NRK: variants seen among roughly 807,000 people sequenced by gnomAD.
NRK encodes the protein nik-related protein kinase.
NRK carries 67 observed loss-of-function variants against 125.2 expected under a neutral mutation model. The ratio of observed to expected loss-of-function variants is 0.54; its 90% CI spans 0.44 to 0.66. The LOEUF (loss-of-function observed/expected upper bound fraction) is 0.66, where lower values mean the gene tolerates loss of function less well. Among genes scored for constraint, NRK ranks in the 30% least tolerant of loss-of-function variants. NRK has a pLI of 0.00. For missense variants in NRK, 1,224 were observed against 1,192.9 expected (o/e 1.03, Z -0.38); for synonymous variants, 458 against 429.0 (o/e 1.07, Z -0.84).
chrX:105,931,616 A>T (rs1174246885), intron 19 of NRK, among the ~76,000 whole-genome samples: 7 of 110,288 alleles, frequency 6.3e-5, no homozygotes, highest in African/African-American at 2.3e-4. Context: ...AGAGTACCTC[A>T]CTTCCCTCTC....
chrX:105,876,102 C>T (rs1297535413), intron 2 of NRK, among the ~76,000 whole-genome samples: 1 of 110,227 alleles, frequency 9.1e-6, no homozygotes. Flanking sequence ...ATAGTGGTTA[C>T]CAGAGGTTGG....
chrX:105,835,309 T>C (rs902443491), intron 2 of NRK, among the ~76,000 whole-genome samples: 1 of 110,794 alleles, frequency 9.0e-6, no homozygotes, highest in Admixed American at 9.7e-5. Context: ...TTCTGGAGAG[T>C]TTTTCTTAAT....
chrX:105,823,013 G>A, intron 1 of NRK, 111 bp downstream of exon 1: 2 of 723,973 alleles, frequency 2.8e-6, no homozygotes, highest in East Asian at 3.8e-5. Flanking sequence ...ACTTCGACGG[G>A]TCCCCCGGGC....
At chrX:105,952,038 GA>G (rs1481974211) in intron 27 of NRK, among the ~76,000 whole-genome samples, 1 of 112,143 alleles carries the variant, frequency 8.9e-6, no homozygotes, top group Non-Finnish European at 1.9e-5. Context: ...ATTCTAGTCT[GA>G]AATTTGACTT....
At chrX:105,888,074 T>C (rs1016077518) in intron 4 of NRK, among the ~76,000 whole-genome samples, 5 of 112,506 alleles carry the variant, frequency 4.4e-5, no homozygotes, top group African/African-American at 1.6e-4. Flanking sequence ...TAAGAACCAC[T>C]GAACTAAACG....
intron 14 of NRK, among the ~76,000 whole-genome samples, chrX:105,913,731 A>G (rs209091): frequency 0.2 from 22,261 of 110,794 alleles, 1,646 homozygotes; most frequent in Middle Eastern, 0.31. Context: ...AATATTGTAC[A>G]TTAAAAATTC....
intron 2 of NRK, among the ~76,000 whole-genome samples, chrX:105,851,911 G>C (rs1419459575): frequency 9.0e-6 from 1 of 111,469 alleles, no homozygotes; most frequent in African/African-American, 3.3e-5. Context: ...GCAACAAAAG[G>C]GGAAAGGCTG....
intron 27 of NRK, among the ~76,000 whole-genome samples, chrX:105,950,823 C>CAGAG (rs746466025): frequency 4.9e-4 from 49 of 100,731 alleles, no homozygotes; most frequent in African/African-American, 1.5e-3. Context: ...AACATAGAGA[C>CAGAG]AGAGAGAGAG....
intron 23 of NRK, among the ~76,000 whole-genome samples, chrX:105,940,279 T>C (rs894164736): frequency 3.6e-5 from 4 of 110,465 alleles, no homozygotes; most frequent in African/African-American, 1.3e-4. Flanking sequence ...TGAGAAAACA[T>C]TGACTGACTA....
intron 21 of NRK, among the ~76,000 whole-genome samples, chrX:105,936,551 C>A (rs1015927957): frequency 6.3e-5 from 7 of 111,984 alleles, no homozygotes; most frequent in Non-Finnish European, 1.1e-4. Flanking sequence ...AAGGCAAAAT[C>A]ACTTAAGTTT....
rs1332857622 is a variant in NRK at position 105,923,211 on chromosome X, A to G, written c.2704A>G (p.Asn902Asp). The G allele has an allele frequency of 1.7e-6, 2 of 1,209,275 alleles. No individual in the cohort carries two copies. The highest frequency in any genetic ancestry group is 3.5e-5 in the South Asian group (2 of 56,907). The stretch of plus-strand genomic sequence containing the variant: ...TAATGCACTCTCTGAAATCTTCCGG[A>G]ATGATTGGTTAACTCCGGCACCTGT... ...GYNALSEIFR[N>D]DWLTPAPVIQ... is the part of the protein sequence containing the mutation. The change falls in exon 18 of 29, where the codon AAT becomes GAT. Residue 902 changes from asparagine to aspartate, a missense_variant. Physicochemically the swap from Asn to Asp is conservative, Grantham distance 23. Transcript: ENST00000243300.
rs1353839902 is a variant in NRK, at chrX:105,958,034, T to C, written c.*2434T>C. 1 of 112,402 alleles carries C rather than the reference T, an allele frequency of 8.9e-6. No homozygotes were observed. The highest frequency in any genetic ancestry group is 1.9e-5 in the Non-Finnish European group (1 of 53,303). The allele number at this position is 112,402 out of a possible 1,213,427, so 9.3% of individuals were successfully genotyped here. Reference sequence around the variant, plus strand: ...TAGACAATTTCCCTAGCCCTTGTGATTTGAAGCATGAAAGTTCTGGCAGGT... The same window carrying C: ...TAGACAATTTCCCTAGCCCTTGTGACTTGAAGCATGAAAGTTCTGGCAGGT... On this transcript the variant is annotated 3_prime_UTR_variant, in exon 29 of 29. Coordinates refer to ENST00000243300, the MANE Select transcript of NRK (RefSeq NM_198465.4).
intron 3 of NRK, among the ~76,000 whole-genome samples, chrX:105,881,439 G>C (rs2039883066): frequency 9.0e-6 from 1 of 111,709 alleles, no homozygotes; most frequent in Non-Finnish European, 1.9e-5. Context: ...CAATTAACTG[G>C]TTTTGTAAGG....
chrX:105,886,649 C>T (rs1165004904), intron 4 of NRK, among the ~76,000 whole-genome samples: 1 of 105,777 alleles, frequency 9.5e-6, no homozygotes, highest in African/African-American at 3.4e-5. Flanking sequence ...GTTAATATTG[C>T]TTGGGGAAAA....
At chrX:105,919,146 T>C (rs2040406074) in intron 16 of NRK, among the ~76,000 whole-genome samples, 1 of 110,907 alleles carries the variant, frequency 9.0e-6, no homozygotes, top group Non-Finnish European at 1.9e-5. Flanking sequence ...ATCTATACTT[T>C]GGCTATGTAT....
intron 2 of NRK, among the ~76,000 whole-genome samples, chrX:105,845,401 G>A (rs765102564): frequency 1.8e-5 from 2 of 111,353 alleles, no homozygotes; most frequent in African/African-American, 3.3e-5. Flanking sequence ...TGGTAAGTGG[G>A]GAAAGAGAGA....
At chrX:105,930,477 T>A (rs756658731) in intron 19 of NRK, among the ~76,000 whole-genome samples, 2 of 111,307 alleles carry the variant, frequency 1.8e-5, no homozygotes, top group South Asian at 3.8e-4. Flanking sequence ...CATGATTTTT[T>A]AAAATTTCAT....
intron 8 of NRK, 91 bp downstream of exon 8, chrX:105,898,805 G>A (rs2040119347): frequency 1.3e-6 from 1 of 749,745 alleles, no homozygotes; most frequent in East Asian, 3.9e-5. Context: ...AAAATAAAAA[G>A]CAGGCAGCTC....
intron 5 of NRK, among the ~76,000 whole-genome samples, chrX:105,888,736 G>A (rs776472640): frequency 2.4e-4 from 27 of 111,146 alleles, no homozygotes; most frequent in Non-Finnish European, 3.8e-4. Flanking sequence ...CTTGCATGGC[G>A]GCAGGCAAGA....
Sources: gnomAD v4.1 joint callset for allele counts (sites outside exome capture counted in the v4.1 genomes callset) on GRCh38, gnomAD v4.1.1 for gene constraint, MANE v1.5 for transcripts, NCBI Gene and HGNC (gene_info 2026-07-23, HGNC 2026-07-21) for gene names.